The following HERC1 variants were observed in gnomAD, a reference collection of about 807,000 sequenced individuals.
HERC1 encodes HECT and RLD domain containing E3 ubiquitin protein ligase family member 1.
A neutral mutation model predicts 554.3 loss-of-function variants in HERC1; 160 were observed. The ratio of observed to expected loss-of-function variants is 0.29; its 90% CI spans 0.25 to 0.33. HERC1 has a LOEUF of 0.33. Among genes scored for constraint, HERC1 ranks in the 10% least tolerant of loss-of-function variants. The pLI, the probability that HERC1 is intolerant of heterozygous loss-of-function variation, is 1.00. For synonymous variants in HERC1, 2,175 were observed against 2,131.7 expected, an observed-to-expected ratio of 1.02 and a Z score of -0.56; for missense variants, 4,919 against 5,918.5, an observed-to-expected ratio of 0.83 and a Z score of 5.54.
At chr15:63,741,726 A>T (rs1347028930) in intron 12 of HERC1, among the ~76,000 whole-genome samples, 1 of 152,236 alleles carries the variant, frequency 6.6e-6, no homozygotes, top group Non-Finnish European at 1.5e-5. Context: ...CAGTTGTCCA[A>T]GTACCATGAG....
rs765173576 is a variant in HERC1, at chr15:63,656,361, G to A, written c.9600-3C>T. The stretch of plus-strand genomic sequence containing the variant: ...CAGCCAGGCTACAACTGGAACCACT[G>A]CCAGTAAAGAAAAACATCTCAGATG... On this transcript the variant is annotated splice_polypyrimidine_tract_variant and splice_region_variant and intron_variant, in intron 48 of 77. Coordinates refer to ENST00000443617, the MANE Select transcript of HERC1 (RefSeq NM_003922.4). The A allele has an allele frequency of 1.9e-6, 3 of 1,602,924 alleles. No individual in the cohort carries two copies. Among genetic ancestry groups the A allele is most frequent in the Non-Finnish European group, 2.6e-6 (3 of 1,172,634 alleles).
Position 63,612,404 on chromosome 15 carries a change from C to T in HERC1, c.14247G>A (p.Glu4749=), listed in dbSNP as rs369801395. ...AGAACCACTGCACCAGCTGATGCTG[C>T]TCATCCACCTCACGGTACCGCACCA... is the stretch of plus-strand genomic sequence containing the variant. ...KKVVRYREVD[E]QHQLVQWFWH... Residue 4749 remains glutamate (E), a synonymous_variant, in exon 77 of 78, where the codon GAG becomes GAA. Coordinates refer to ENST00000443617, the MANE Select transcript of HERC1 (RefSeq NM_003922.4). This position sits in a 1 kb window ranked among gnomAD's most constrained non-coding sequence, Gnocchi z 5.0. The T allele has an allele frequency of 5.1e-5, 82 of 1,613,934 alleles. No individual in the cohort carries two copies. The highest frequency in any genetic ancestry group is 6.7e-5 in the Non-Finnish European group (79 of 1,179,904).
At position 63,680,891 on chromosome 15, in the gene HERC1, CAT is replaced by C; in HGVS notation, c.6226-117_6226-116del. 4.6e-6 allele frequency: 3 copies of C among 658,144 alleles called. No homozygotes were observed. The highest frequency in any genetic ancestry group is 6.1e-5 in the Admixed American group (2 of 32,928). 40.8% of individuals were successfully genotyped at this position (658,144 alleles called of 1,614,324 possible). The stretch of plus-strand genomic sequence containing the variant: ...AATAATACTAATGCATTTATGGAAA[CAT>C]GTTATTTTCAGCATAAATAAAAATA... On this transcript the variant is annotated intron_variant, in intron 34 of 77. Transcript: ENST00000443617. The surrounding 1 kb of genome is among the most constrained non-coding windows in gnomAD (Gnocchi z 5.8).
chr15:63,723,365 A>T lies in HERC1; in HGVS notation c.3569-10T>A. On this transcript the variant is annotated splice_polypyrimidine_tract_variant and intron_variant, in intron 18 of 77. Coordinates refer to ENST00000443617, the MANE Select transcript of HERC1 (RefSeq NM_003922.4). ...CAACTCATACATTTATCTAAAAAAA[A>T]TACTCACGTTACCAATTTTAACATC... is the stretch of plus-strand genomic sequence containing the variant. The T allele has an allele frequency of 6.6e-7, 1 of 1,520,796 alleles. No homozygotes were observed. Among genetic ancestry groups the T allele is most frequent in the Non-Finnish European group, 8.9e-7 (1 of 1,126,472 alleles). 94.2% of individuals were successfully genotyped at this position (1,520,796 alleles called of 1,614,324 possible). A position where few individuals can be genotyped will look rare whatever the true frequency, so the allele number is the denominator to read the frequency against.
At chr15:63,779,150 T>C (rs2076204317) in intron 1 of HERC1, among the ~76,000 whole-genome samples, 1 of 152,004 alleles carries the variant, frequency 6.6e-6, no homozygotes, top group African/African-American at 2.4e-5. Flanking sequence ...ATTCATATTA[T>C]TGGATTACGT....
At chr15:63,819,576 C>T (rs1242278567) in intron 1 of HERC1, among the ~76,000 whole-genome samples, 4 of 152,154 alleles carry the variant, frequency 2.6e-5, no homozygotes, top group African/African-American at 4.8e-5. Context: ...ACACCAATTA[C>T]TGTTCTCTTC....
chr15:63,804,951 G>A (rs910979483), intron 1 of HERC1, among the ~76,000 whole-genome samples: 2 of 152,120 alleles, frequency 1.3e-5, no homozygotes, highest in East Asian at 3.9e-4. Context: ...TATTGGTGAG[G>A]ATGTCACCAC....
chr15:63,729,335 G>C lies in HERC1; in HGVS notation c.3055C>G (p.Leu1019Val), dbSNP rs373493156. Residue 1019 changes from leucine (L) to valine (V), a missense_variant, in exon 16 of 78, where the codon CTT (leucine) becomes GTT (valine). Physicochemically the swap from Leu to Val is conservative, Grantham distance 32. Around this residue, in one of 11 missense-constraint regions of HERC1, gnomAD observed 1,121 missense variants for 1,244.0 expected, o/e 0.90. Coordinates refer to ENST00000443617, the MANE Select transcript of HERC1 (RefSeq NM_003922.4). The stretch of plus-strand genomic sequence containing the variant: ...GTGGCATGAGGCAACAAAAGCTGAA[G>C]ATGTTTATGAAGCAATGCCACACTG... ...SSSVALLHKH[L>V]QLLLPHATDI... 1 of 1,610,216 alleles carries C rather than the reference G, an allele frequency of 6.2e-7. No homozygotes were observed. The highest frequency in any genetic ancestry group is 8.5e-7 in the Non-Finnish European group (1 of 1,178,288).
chr15:63,796,451 T>G (rs1030150183), intron 1 of HERC1, among the ~76,000 whole-genome samples: 4 of 152,224 alleles, frequency 2.6e-5, no homozygotes, highest in Non-Finnish European at 4.4e-5. Context: ...TTGACACAGT[T>G]AAGTCCATTT....
In HERC1 at chr15:63,640,147, T is replaced by C. The variant is rs376391409; in HGVS notation, c.11901+5A>G. The C allele has an allele frequency of 6.2e-7, 1 of 1,612,980 alleles. No individual in the cohort carries two copies. Among genetic ancestry groups the C allele is most frequent in the Non-Finnish European group, 8.5e-7 (1 of 1,179,186 alleles). On this transcript the variant is annotated splice_donor_5th_base_variant and intron_variant, in intron 61 of 77. Transcript: ENST00000443617. Reference sequence around the variant, plus strand: ...GCAAATAATAGCAGCTCACAGTACATTTACCATTAGAAATACAAGTTCATC... The same window carrying C: ...GCAAATAATAGCAGCTCACAGTACACTTACCATTAGAAATACAAGTTCATC...
chr15:63,609,662 G>C (rs2067504657), intron 77 of HERC1, among the ~76,000 whole-genome samples: 1 of 152,186 alleles, frequency 6.6e-6, no homozygotes, highest in African/African-American at 2.4e-5. Context: ...TGCCCCCACA[G>C]AGCAGGTAGA....
intron 6 of HERC1, among the ~76,000 whole-genome samples, chr15:63,755,019 C>T (rs1319878471): frequency 6.6e-6 from 1 of 152,154 alleles, no homozygotes; most frequent in African/African-American, 2.4e-5. Flanking sequence ...CATAATAGGG[C>T]ACACTCAGTA....
At chr15:63,671,577 A>C (rs577733322) in intron 39 of HERC1, among the ~76,000 whole-genome samples, 22 of 152,312 alleles carry the variant, frequency 1.4e-4, no homozygotes, top group South Asian at 1.2e-3. Flanking sequence ...CGCTGAAGCC[A>C]CTGTATCAGA....
rs537197347 is a variant in HERC1, at chr15:63,787,777, A to G, written c.-26-12128T>C. ...TTTTAAAAAACTTACTAACCTGGAC[A>G]ATATGGCAAAACCCCGACTCTACAA... On this transcript the variant is annotated intron_variant, in intron 1 of 77. Transcript: ENST00000443617. Among the ~76,000 whole-genome samples, 45 of 152,040 alleles carry G rather than the reference A, an allele frequency of 3.0e-4. 2 individuals carry two copies. The East Asian group carries it at 3.7e-3, about 12-fold the overall frequency.
intron 40 of HERC1, among the ~76,000 whole-genome samples, 166 bp downstream of exon 40, chr15:63,669,372 C>T (rs1159720663): frequency 6.6e-6 from 1 of 152,240 alleles, no homozygotes; most frequent in African/African-American, 2.4e-5. Context: ...ATAATTCAAT[C>T]CACAGCTTCA....
chr15:63,669,482 T>TC (rs1566992103), intron 40 of HERC1, 56 bp downstream of exon 40: 13 of 1,529,052 alleles, frequency 8.5e-6, no homozygotes, highest in Admixed American at 1.7e-5. Flanking sequence ...CATAATAAAG[T>TC]CCCACACATC....
chr15:63,738,643 AATAG>A (rs2074653165), intron 12 of HERC1, among the ~76,000 whole-genome samples: 1 of 152,200 alleles, frequency 6.6e-6, no homozygotes. Context: ...GGTTACTGCA[AATAG>A]ATAAATTACT....
chr15:63,640,718 A>G (rs2069010060), intron 60 of HERC1, among the ~76,000 whole-genome samples: 1 of 152,088 alleles, frequency 6.6e-6, no homozygotes, highest in Non-Finnish European at 1.5e-5. Flanking sequence ...TACTAACTAA[A>G]CCACAGAACT....
intron 2 of HERC1, among the ~76,000 whole-genome samples, chr15:63,768,111 A>G (rs2075839451): frequency 6.6e-6 from 1 of 152,164 alleles, no homozygotes; most frequent in African/African-American, 2.4e-5. Context: ...GAGCCTTCCA[A>G]TCATAGCACA....
Sources: allele counts gnomAD v4.1 joint callset (sites outside exome capture counted in the v4.1 genomes callset), GRCh38; gene constraint gnomAD v4.1.1; regional missense constraint gnomAD v4.1.1; non-coding constraint Gnocchi (gnomAD v3.1); transcripts MANE v1.5; gene names NCBI Gene and HGNC (gene_info 2026-07-23, HGNC 2026-07-21).